The following CNTNAP5 variants were observed in gnomAD, a reference collection of about 807,000 sequenced individuals.
The protein encoded by CNTNAP5 is contactin-associated protein-like 5.
CNTNAP5 carries 72 observed loss-of-function variants against 150.2 expected under a neutral mutation model. The ratio of observed to expected loss-of-function variants is 0.48; its 90% CI spans 0.40 to 0.58. The LOEUF (loss-of-function observed/expected upper bound fraction) is 0.58, where lower values mean the gene tolerates loss of function less well. Ranked by LOEUF, CNTNAP5 falls within the 20% of genes least tolerant of loss-of-function variation. The probability of loss-of-function intolerance (pLI) is 0.00; values close to 1 mark genes in which losing one functional copy is unlikely to be tolerated. For synonymous variants in CNTNAP5, 672 were observed against 619.8 expected (o/e 1.08, Z -1.25); for missense variants, 1,636 against 1,626.2 (o/e 1.01, Z -0.10).
intron 4 of CNTNAP5, among the ~76,000 whole-genome samples, chr2:124,427,517 C>T (rs1469702340): frequency 4.6e-5 from 7 of 151,982 alleles, no homozygotes; most frequent in Non-Finnish European, 8.8e-5. Flanking sequence ...AGTGCAGTGA[C>T]ACAATCTTGG....
intron 1 of CNTNAP5, among the ~76,000 whole-genome samples, chr2:124,142,350 C>A (rs898449069): frequency 6.7e-6 from 1 of 149,336 alleles, no homozygotes; most frequent in Non-Finnish European, 1.5e-5. Flanking sequence ...TTTTTCAGCA[C>A]CACACCACAC....
At chr2:124,518,803 G>A (rs536644520) in intron 8 of CNTNAP5, among the ~76,000 whole-genome samples, 4 of 151,658 alleles carry the variant, frequency 2.6e-5, no homozygotes, top group East Asian at 3.9e-4. Flanking sequence ...CCTGGCCAAC[G>A]TTATGAAACC....
intron 3 of CNTNAP5, among the ~76,000 whole-genome samples, chr2:124,391,490 G>A (rs1014830512): frequency 1.4e-4 from 22 of 152,216 alleles, no homozygotes; most frequent in African/African-American, 3.1e-4. Flanking sequence ...TCTCCTCATC[G>A]TCTTCTCTAA....
intron 21 of CNTNAP5, among the ~76,000 whole-genome samples, chr2:124,894,689 G>A (rs1678267677): frequency 6.6e-6 from 1 of 151,016 alleles, no homozygotes; most frequent in Non-Finnish European, 1.5e-5. Flanking sequence ...GAGTAGCTGG[G>A]ACTACAGAAA....
At chr2:124,878,788 T>C (rs1677910571) in intron 21 of CNTNAP5, among the ~76,000 whole-genome samples, 1 of 151,872 alleles carries the variant, frequency 6.6e-6, no homozygotes, top group African/African-American at 2.4e-5. Flanking sequence ...GTTCAAGCTA[T>C]TCTCCTGTCC....
At chr2:124,147,718 C>T (rs993429144) in intron 1 of CNTNAP5, among the ~76,000 whole-genome samples, 2 of 152,328 alleles carry the variant, frequency 1.3e-5, no homozygotes, top group East Asian at 1.9e-4. Context: ...TTGGGAGCCT[C>T]CTGTCACCAA....
chr2:124,055,650 A>G (rs1681826104), intron 1 of CNTNAP5, among the ~76,000 whole-genome samples: 1 of 151,998 alleles, frequency 6.6e-6, no homozygotes, highest in African/African-American at 2.4e-5. Context: ...CTTTGTCCCC[A>G]TCCTGACCTG....
chr2:124,281,481 A>T (rs1046476664), intron 3 of CNTNAP5, among the ~76,000 whole-genome samples: 1 of 152,206 alleles, frequency 6.6e-6, no homozygotes, highest in African/African-American at 2.4e-5. Flanking sequence ...TAGAAAACAT[A>T]GACTTATGAA....
In CNTNAP5 at chr2:124,434,493, T is replaced by C. The variant is rs759257398; in HGVS notation, c.539T>C (p.Val180Ala). The change falls in exon 5 of 24, where the codon GTT (valine) becomes GCT (alanine). Residue 180 changes from valine to alanine, a missense_variant. By Grantham distance (64) the Val-to-Ala change is moderately conservative. Coordinates refer to ENST00000682447, the MANE Select transcript of CNTNAP5 (RefSeq NM_001367498.1). ...EVYGCSYKSD[V>A]ADFDGRSSLL... ...CCTTCTTTGTTCCCAGAATCAGATG[T>C]TGCTGACTTTGATGGCCGAAGCTCA... 2 of 1,613,768 alleles carry C rather than the reference T, an allele frequency of 1.2e-6. No homozygotes were observed. Among genetic ancestry groups the C allele is most frequent in the Non-Finnish European group, 1.7e-6 (2 of 1,179,660 alleles).
intron 1 of CNTNAP5, among the ~76,000 whole-genome samples, chr2:124,139,730 C>T (rs1035638691): frequency 6.6e-6 from 1 of 152,098 alleles, no homozygotes; most frequent in South Asian, 2.1e-4. Flanking sequence ...TGTGCCCGAT[C>T]ATTGTTATTA....
intron 1 of CNTNAP5, among the ~76,000 whole-genome samples, chr2:124,030,752 T>C (rs1291408361): frequency 6.6e-6 from 1 of 152,172 alleles, no homozygotes; most frequent in African/African-American, 2.4e-5. Flanking sequence ...TGATGCTTTA[T>C]TTTTTATGAG....
intron 22 of CNTNAP5, among the ~76,000 whole-genome samples, chr2:124,908,395 A>C (rs1678584620): frequency 1.3e-5 from 2 of 152,072 alleles, no homozygotes; most frequent in African/African-American, 4.8e-5. Context: ...AAAAGAAAAA[A>C]ACAAAACAAA....
rs776340609 is a variant in CNTNAP5, at chr2:124,902,949, C to G, written c.3504C>G (p.Ser1168=). 1 of 1,613,002 alleles carries G rather than the reference C, an allele frequency of 6.2e-7. No homozygotes were observed. The change falls in exon 22 of 24, where the codon TCC becomes TCG. Residue 1168 remains serine (S), a synonymous_variant. Transcript: ENST00000682447. ...TGGGTTTTGCTGGATGCATGTCTTC[C>G]GTCCAGTACAACCACATAGCACCAC... ...NAMGFAGCMS[S]VQYNHIAPLK...
rs1222303309 is a variant in CNTNAP5 at position 124,748,593 on chromosome 2, C to T, written c.2234+1208C>T. On this transcript the variant is annotated intron_variant, in intron 14 of 23. Transcript: ENST00000682447. ...TTAAAAATTCTTATGTTAAGCTAGTCTCAATCCCCAAATTTCCCTTTAGTG... is the reference window on the plus strand; with the variant it reads ...TTAAAAATTCTTATGTTAAGCTAGTTTCAATCCCCAAATTTCCCTTTAGTG... 2.0e-5 allele frequency among the ~76,000 whole-genome samples: 3 copies of T among 152,284 alleles called. No individual in the cohort carries two copies. The East Asian group carries it at 5.8e-4, about 29-fold the overall frequency.
At chr2:124,894,177 T>C (rs1678257433) in intron 21 of CNTNAP5, among the ~76,000 whole-genome samples, 1 of 152,104 alleles carries the variant, frequency 6.6e-6, no homozygotes, top group Non-Finnish European at 1.5e-5. Context: ...CAAATAAAAT[T>C]TGCAATATGC....
chr2:124,333,931 G>T (rs1482217994), intron 3 of CNTNAP5, among the ~76,000 whole-genome samples: 1 of 152,124 alleles, frequency 6.6e-6, no homozygotes, highest in Non-Finnish European at 1.5e-5. Context: ...CTTTAAAATT[G>T]CTGGTCTTGC....
Position 124,714,180 on chromosome 2 carries a change from G to T in CNTNAP5, c.2078-33049G>T, listed in dbSNP as rs1363454743. ...TTGCCTTCTCAAGAGTCGCTTGAGT[G>T]TAAGGGCCTTGTAAGCTGCTTGAGA... On this transcript the variant is annotated intron_variant, in intron 13 of 23. Coordinates refer to ENST00000682447, the MANE Select transcript of CNTNAP5 (RefSeq NM_001367498.1). Among the ~76,000 whole-genome samples the T allele has an allele frequency of 2.6e-5, 4 of 151,922 alleles. 1 individual carries two copies. The highest frequency in any genetic ancestry group is 5.9e-5 in the Non-Finnish European group (4 of 68,004).
chr2:124,495,499 G>A (rs553189930), intron 7 of CNTNAP5, among the ~76,000 whole-genome samples: 18 of 152,330 alleles, frequency 1.2e-4, no homozygotes, highest in African/African-American at 4.1e-4. Flanking sequence ...ACTGGTGCCT[G>A]TGCATAGGCA....
chr2:124,216,234 G>A lies in CNTNAP5; in HGVS notation c.83-5471G>A, dbSNP rs1326147482. On this transcript the variant is annotated intron_variant, in intron 1 of 23. Coordinates refer to ENST00000682447, the MANE Select transcript of CNTNAP5 (RefSeq NM_001367498.1). ...TGGGGGGATGATGGGAGCTAGTGAT[G>A]GCCTTTACATTATAAAGAAAAGGAG... is the stretch of plus-strand genomic sequence containing the variant. Among the ~76,000 whole-genome samples, 4 of 152,066 alleles carry A rather than the reference G, an allele frequency of 2.6e-5. No homozygotes were observed. In the South Asian group the frequency reaches 6.2e-4, roughly 24 times the overall value.
Sources: gnomAD v4.1 joint callset for allele counts (sites outside exome capture counted in the v4.1 genomes callset) on GRCh38, gnomAD v4.1.1 for gene constraint, MANE v1.5 for transcripts, NCBI Gene and HGNC (gene_info 2026-07-23, HGNC 2026-07-21) for gene names.